Variants in KIF6 observed in about 807,000 individuals in gnomAD.
The protein encoded by KIF6 is kinesin family member 6.
KIF6 carries 106 observed loss-of-function variants against 112.7 expected under a neutral mutation model. That is an observed-to-expected ratio of 0.94 (90% CI 0.80 to 1.11). The LOEUF is 1.11. KIF6 is among the 50% of genes least tolerant of loss of function. The pLI, the probability that KIF6 is intolerant of heterozygous loss-of-function variation, is 0.00. For synonymous variants in KIF6, 339 were observed against 339.9 expected, an observed-to-expected ratio of 1.00 and a Z score of 0.03; for missense variants, 929 against 964.0, an observed-to-expected ratio of 0.96 and a Z score of 0.48.
At chr6:39,700,320 A>T (rs1788807332) in intron 3 of KIF6, among the ~76,000 whole-genome samples, 1 of 152,242 alleles carries the variant, frequency 6.6e-6, no homozygotes, top group Non-Finnish European at 1.5e-5. Flanking sequence ...CACTAGAGCT[A>T]AGAGTATTTT....
chr6:39,477,281 A>G (rs1774484467), intron 13 of KIF6, among the ~76,000 whole-genome samples: 1 of 152,222 alleles, frequency 6.6e-6, no homozygotes, highest in African/African-American at 2.4e-5. Flanking sequence ...GTACAGAAAA[A>G]TCCCCAAACA....
intron 10 of KIF6, among the ~76,000 whole-genome samples, chr6:39,571,925 G>T (rs1481065850): frequency 1.4e-5 from 2 of 147,656 alleles, no homozygotes; most frequent in Non-Finnish European, 3.0e-5. Flanking sequence ...TTAGAAGGGT[G>T]CCTTCTTCCT....
chr6:39,723,320 A>G (rs1790334134), intron 1 of KIF6, among the ~76,000 whole-genome samples: 1 of 152,222 alleles, frequency 6.6e-6, no homozygotes, highest in South Asian at 2.1e-4. Flanking sequence ...ATACAACATT[A>G]TTAATATGCC....
intron 6 of KIF6, 75 bp from the exon 7 acceptor site, chr6:39,596,335 T>A (rs1782267252): frequency 9.7e-7 from 1 of 1,033,666 alleles, no homozygotes; most frequent in Non-Finnish European, 1.5e-6. Context: ...TTTAAAATAA[T>A]ATTTCTAGTG....
chr6:39,498,239 T>A (rs1775898798), intron 13 of KIF6, among the ~76,000 whole-genome samples: 2 of 152,308 alleles, frequency 1.3e-5, no homozygotes, highest in South Asian at 2.1e-4. Context: ...ACAGAACTCA[T>A]GATGAAAACA....
intron 3 of KIF6, among the ~76,000 whole-genome samples, chr6:39,648,056 C>T (rs1193629938): frequency 6.9e-6 from 1 of 144,278 alleles, no homozygotes; most frequent in African/African-American, 2.6e-5. Context: ...CAGAGTCTTA[C>T]TCTGTCCACC....
Position 39,580,922 on chromosome 6 carries a change from C to T in KIF6, c.1078-2763G>A, listed in dbSNP as rs577149135. ...TTTTTTCTTACAATATACATTGATG[C>T]ATTCTCTAGTGATAGATTACTTTGA... is the stretch of plus-strand genomic sequence containing the variant. On this transcript the variant is annotated intron_variant, in intron 9 of 22. Coordinates refer to ENST00000287152, the MANE Select transcript of KIF6 (RefSeq NM_145027.6). 3.3e-5 allele frequency among the ~76,000 whole-genome samples: 5 copies of T among 152,200 alleles called. No homozygotes were observed. In the East Asian group the frequency reaches 5.8e-4, roughly 18 times the overall value.
intron 3 of KIF6, among the ~76,000 whole-genome samples, chr6:39,666,661 C>G (rs779117244): frequency 1.3e-5 from 2 of 152,122 alleles, no homozygotes; most frequent in Non-Finnish European, 2.9e-5. Context: ...CTGAGCTTCT[C>G]GAATTCTTTT....
At chr6:39,459,533 TA>T (rs1773330687) in intron 13 of KIF6, among the ~76,000 whole-genome samples, 1 of 11,932 alleles carries the variant, frequency 8.4e-5, no homozygotes, top group Admixed American at 1.6e-3. Flanking sequence ...GGTATCTAAT[TA>T]AACTAAAGAG....
intron 19 of KIF6, chr6:39,354,109 T>C (rs956266031): frequency 2.1e-5 from 7 of 341,014 alleles, no homozygotes; most frequent in Admixed American, 1.9e-4. Context: ...AGCTTAGCCC[T>C]GAAGGCCATC....
At chr6:39,520,897 G>A (rs1010031670) in intron 13 of KIF6, among the ~76,000 whole-genome samples, 4 of 152,154 alleles carry the variant, frequency 2.6e-5, no homozygotes, top group Non-Finnish European at 5.9e-5. Flanking sequence ...ACTGTCATAG[G>A]AGCAGAGTGG....
intron 13 of KIF6, among the ~76,000 whole-genome samples, chr6:39,527,704 C>T (rs189726469): frequency 1.2e-4 from 18 of 152,286 alleles, no homozygotes; most frequent in Admixed American, 9.2e-4. Context: ...TTTTTCTAGC[C>T]TTATTTCTTC....
intron 10 of KIF6, among the ~76,000 whole-genome samples, chr6:39,550,826 G>T (rs961274571): frequency 8.5e-5 from 13 of 152,312 alleles, no homozygotes; most frequent in Admixed American, 5.2e-4. Context: ...CTCTGACAGG[G>T]TTAAACATGG....
At chr6:39,397,636 A>G (rs1768372150) in intron 15 of KIF6, among the ~76,000 whole-genome samples, 1 of 152,070 alleles carries the variant, frequency 6.6e-6, no homozygotes, top group Non-Finnish European at 1.5e-5. Flanking sequence ...TTTTGGGGAT[A>G]ATGCATAATA....
chr6:39,515,862 A>G (rs114051569), intron 13 of KIF6, among the ~76,000 whole-genome samples: 116 of 152,386 alleles, frequency 7.6e-4, no homozygotes, highest in African/African-American at 2.7e-3. Context: ...ATGCGTTATT[A>G]AAATCACTGA....
At chr6:39,505,765 A>G (rs1776388539) in intron 13 of KIF6, among the ~76,000 whole-genome samples, 1 of 152,186 alleles carries the variant, frequency 6.6e-6, no homozygotes, top group Non-Finnish European at 1.5e-5. Context: ...CTTAACATCA[A>G]TGATTATTAG....
chr6:39,447,956 CG>C (rs1200726184), intron 13 of KIF6, among the ~76,000 whole-genome samples: 2 of 152,138 alleles, frequency 1.3e-5, no homozygotes, highest in African/African-American at 4.8e-5. Flanking sequence ...GGGAACTGCA[CG>C]TAACTGCTAC....
At chr6:39,370,003 C>G (rs1263943765) in intron 16 of KIF6, among the ~76,000 whole-genome samples, 1 of 152,220 alleles carries the variant, frequency 6.6e-6, no homozygotes, top group Non-Finnish European at 1.5e-5. Context: ...CCAGCCTACC[C>G]CTCCAGGGGC....
At chr6:39,407,123 T>G (rs553507230) in intron 15 of KIF6, among the ~76,000 whole-genome samples, 36 of 128,560 alleles carry the variant, frequency 2.8e-4, no homozygotes, top group African/African-American at 9.1e-4. Context: ...AAGACTCCTG[T>G]TTTTTTTTTG....
Sources: gnomAD v4.1 joint callset for allele counts (sites outside exome capture counted in the v4.1 genomes callset) on GRCh38, gnomAD v4.1.1 for gene constraint, MANE v1.5 for transcripts, NCBI Gene and HGNC (gene_info 2026-07-23, HGNC 2026-07-21) for gene names.